RELN: variants seen among roughly 807,000 people sequenced by gnomAD.
RELN encodes the protein reelin.
RELN carries 108 observed loss-of-function variants against 427.6 expected under a neutral mutation model. The observed-to-expected ratio is 0.25, with a 90% CI of 0.22 to 0.30. The LOEUF is 0.30. RELN is among the 10% of genes least tolerant of loss of function. The pLI, the probability that RELN is intolerant of heterozygous loss-of-function variation, is 1.00. For synonymous variants in RELN, 1,524 were observed against 1,513.4 expected (o/e 1.01, Z -0.16); for missense variants, 3,715 against 4,302.8 (o/e 0.86, Z 3.82).
rs1255854701 is a variant in RELN at position 103,561,572 on chromosome 7, C to T, written c.5489G>A (p.Gly1830Asp). ...VYGAERGNLN[G>D]ETIKSGTSLI... Reference sequence around the variant, plus strand: ...AGATGTTCCAGATTTGATGGTTTCACCATTCAGATTCCCCCTCTCTGCACC... The same window carrying T: ...AGATGTTCCAGATTTGATGGTTTCATCATTCAGATTCCCCCTCTCTGCACC... The change falls in exon 36 of 65, where the codon GGT becomes GAT. Residue 1830 changes from glycine (G) to aspartate (D), a missense_variant. Gly to Asp is a moderately conservative substitution (Grantham distance 94). Around this residue, in one of 4 missense-constraint regions of RELN, gnomAD observed 2,208 missense variants for 2,361.7 expected, o/e 0.93. Transcript: ENST00000428762. 1.2e-6 allele frequency: 2 copies of T among 1,613,754 alleles called. No individual in the cohort carries two copies. Among genetic ancestry groups the T allele is most frequent in the East Asian group, 4.5e-5 (2 of 44,888 alleles).
Position 103,636,290 on chromosome 7 carries a change from T to A in RELN, c.2248A>T (p.Asn750Tyr), listed in dbSNP as rs1228641634. The A allele has an allele frequency of 6.2e-7, 1 of 1,614,056 alleles. No homozygotes were observed. Among genetic ancestry groups the A allele is most frequent in the East Asian group, 2.2e-5 (1 of 44,816 alleles). Residue 750 changes from asparagine to tyrosine, a missense_variant, in exon 18 of 65, where the codon AAC becomes TAC. Physicochemically the swap from Asn to Tyr is moderately radical, Grantham distance 143. Coordinates refer to ENST00000428762, the MANE Select transcript of RELN (RefSeq NM_005045.4). The stretch of plus-strand genomic sequence containing the variant: ...ATTAGCTGACGCCGCCCATCTTTGT[T>A]GAAAACCAGGGCCTTACCACTGGCC... ...VLASGKALVFNKDGRRQLITS... is the reference protein window; with the variant it reads ...VLASGKALVFYKDGRRQLITS...
At chr7:103,834,658 C>A (rs1351627221) in intron 2 of RELN, among the ~76,000 whole-genome samples, 3 of 151,992 alleles carry the variant, frequency 2.0e-5, no homozygotes, top group Admixed American at 2.0e-4. Context: ...GATACCTCAC[C>A]AAAAATGATA....
At chr7:103,869,865 A>T (rs1380346662) in intron 2 of RELN, among the ~76,000 whole-genome samples, 1 of 152,136 alleles carries the variant, frequency 6.6e-6, no homozygotes, top group African/African-American at 2.4e-5. Context: ...TGTTTCTGGA[A>T]GTCCTATTCT....
At chr7:103,851,697 C>A (rs1348411788) in intron 2 of RELN, among the ~76,000 whole-genome samples, 2 of 152,164 alleles carry the variant, frequency 1.3e-5, no homozygotes, top group Non-Finnish European at 2.9e-5. Flanking sequence ...CCTGTAGGAT[C>A]CTAACTAATT....
At chr7:103,886,127 G>C (rs1052011513) in intron 2 of RELN, among the ~76,000 whole-genome samples, 1 of 152,166 alleles carries the variant, frequency 6.6e-6, no homozygotes, top group Non-Finnish European at 1.5e-5. Flanking sequence ...GGTGATAGAT[G>C]ATGACTCCAC....
At chr7:103,828,129 C>A (rs1793186703) in intron 3 of RELN, among the ~76,000 whole-genome samples, 2 of 151,902 alleles carry the variant, frequency 1.3e-5, no homozygotes, top group Admixed American at 6.6e-5. Context: ...AATAAATGGG[C>A]AACCATGCAA....
intron 46 of RELN, among the ~76,000 whole-genome samples, chr7:103,526,288 G>C (rs1562872112): frequency 6.6e-6 from 1 of 152,206 alleles, no homozygotes; most frequent in African/African-American, 2.4e-5. Context: ...TTCAATTTGT[G>C]CAACTCTCTG....
At chr7:103,900,125 A>G (rs1220961885) in intron 2 of RELN, among the ~76,000 whole-genome samples, 1 of 152,234 alleles carries the variant, frequency 6.6e-6, no homozygotes, top group African/African-American at 2.4e-5. Flanking sequence ...TCAACGTGCA[A>G]AAATCACAAG....
intron 16 of RELN, among the ~76,000 whole-genome samples, chr7:103,643,599 A>G (rs921765466): frequency 6.6e-6 from 1 of 152,034 alleles, no homozygotes; most frequent in Non-Finnish European, 1.5e-5. Flanking sequence ...CACATTGTGC[A>G]CATGTACCCT....
intron 28 of RELN, among the ~76,000 whole-genome samples, chr7:103,578,237 G>C (rs563257044): frequency 1.7e-4 from 26 of 152,198 alleles, no homozygotes; most frequent in African/African-American, 5.8e-4. Context: ...AGATCCTAAG[G>C]CTTCTATAGA....
intron 6 of RELN, among the ~76,000 whole-genome samples, chr7:103,730,859 A>G (rs1303586342): frequency 1.3e-5 from 2 of 152,128 alleles, no homozygotes; most frequent in African/African-American, 4.8e-5. Flanking sequence ...GGTCAAATCC[A>G]ACCCTCTCTT....
chr7:103,916,608 T>C (rs1238247717), intron 2 of RELN, among the ~76,000 whole-genome samples: 1 of 152,206 alleles, frequency 6.6e-6, no homozygotes, highest in Non-Finnish European at 1.5e-5. Flanking sequence ...AGGATTCTTC[T>C]AAGAATACTC....
At chr7:103,646,988 G>T (rs1474412318) in intron 16 of RELN, among the ~76,000 whole-genome samples, 2 of 151,502 alleles carry the variant, frequency 1.3e-5, no homozygotes, top group South Asian at 2.1e-4. Flanking sequence ...ATGCAGAAAA[G>T]CATTTGATAA....
intron 2 of RELN, among the ~76,000 whole-genome samples, chr7:103,894,238 A>T (rs1794912064): frequency 6.6e-6 from 1 of 152,172 alleles, no homozygotes; most frequent in South Asian, 2.1e-4. Flanking sequence ...TTCGTTATTT[A>T]TAAAACTTTT....
At chr7:103,828,718 A>T (rs1376218590) in intron 3 of RELN, among the ~76,000 whole-genome samples, 2 of 151,910 alleles carry the variant, frequency 1.3e-5, no homozygotes, top group African/African-American at 4.8e-5. Flanking sequence ...ATCAAGATCA[A>T]ACCCATGTTC....
intron 19 of RELN, among the ~76,000 whole-genome samples, chr7:103,632,064 A>G (rs1832481089): frequency 6.6e-6 from 1 of 152,222 alleles, no homozygotes; most frequent in African/African-American, 2.4e-5. Flanking sequence ...TTTCCCAAGC[A>G]ACTTTTAAGG....
At chr7:103,524,165 G>A (rs533997686) in intron 46 of RELN, among the ~76,000 whole-genome samples, 1 of 152,250 alleles carries the variant, frequency 6.6e-6, no homozygotes, top group East Asian at 1.9e-4. Context: ...GATTTCGTGT[G>A]GGAAGTACCA....
chr7:103,876,666 A>G (rs551966233), intron 2 of RELN, among the ~76,000 whole-genome samples: 425 of 152,248 alleles, frequency 2.8e-3, no homozygotes, highest in African/African-American at 9.4e-3. Context: ...CCGTCTAAAA[A>G]GTTTGATAAT....
intron 2 of RELN, among the ~76,000 whole-genome samples, chr7:103,848,762 GC>G (rs1793743683): frequency 1.3e-5 from 2 of 152,288 alleles, no homozygotes; most frequent in Admixed American, 6.5e-5. Context: ...GATGGTACAT[GC>G]CCATTACAGA....
Sources: gnomAD v4.1 joint callset for allele counts (sites outside exome capture counted in the v4.1 genomes callset) on GRCh38, gnomAD v4.1.1 for gene constraint, gnomAD v4.1.1 regional missense constraint, MANE v1.5 for transcripts, NCBI Gene and HGNC (gene_info 2026-07-23, HGNC 2026-07-21) for gene names.